Variants in DOP1A observed in about 807,000 individuals in gnomAD.
DOP1A encodes DOP1 leucine zipper like protein A, also known as protein DOP1A.
Under a neutral mutation model 267.6 loss-of-function variants are expected in DOP1A, and 90 were observed. That is an observed-to-expected ratio of 0.34 (90% CI 0.28 to 0.40). The LOEUF (loss-of-function observed/expected upper bound fraction) is 0.40. DOP1A is among the 10% of genes least tolerant of loss of function. The probability of loss-of-function intolerance (pLI) is 1.00; values close to 1 mark genes in which losing one functional copy is unlikely to be tolerated. For missense variants in DOP1A, 2,437 were observed against 2,900.4 expected (o/e 0.84, Z 3.67); for synonymous variants, 932 against 999.1 (o/e 0.93, Z 1.27).
chr6:83,156,119 C>A lies in DOP1A; in HGVS notation c.6604+16C>A. 1 of 1,593,618 alleles carries A rather than the reference C, an allele frequency of 6.3e-7. No homozygotes were observed. Among genetic ancestry groups the A allele is most frequent in the Non-Finnish European group, 8.5e-7 (1 of 1,172,536 alleles). On this transcript the variant is annotated intron_variant, in intron 34 of 38. Transcript: ENST00000349129. ...GATATACAAGGTAAAAAATGAAAAA[C>A]CCTTTATTTTTTCTCTAACTACAGG...
intron 38 of DOP1A, chr6:83,166,322 G>A (rs1240901876): frequency 2.6e-5 from 17 of 657,358 alleles, no homozygotes; most frequent in Admixed American, 9.1e-5. Context: ...ATCAATTTCC[G>A]ATGACTGGCC....
At chr6:83,096,900 G>T in intron 2 of DOP1A, 25 bp from the exon 3 acceptor site, 3 of 1,532,528 alleles carry the variant, frequency 2.0e-6, no homozygotes, top group Non-Finnish European at 2.6e-6. Context: ...TGTAACCTTG[G>T]TTCCTCCTGC....
chr6:83,080,199 A>G (rs1272670741), intron 1 of DOP1A, among the ~76,000 whole-genome samples: 2 of 152,210 alleles, frequency 1.3e-5, no homozygotes, highest in African/African-American at 2.4e-5. Flanking sequence ...TAATGTTAGG[A>G]AAAACAAAAC....
intron 1 of DOP1A, among the ~76,000 whole-genome samples, chr6:83,069,053 A>G (rs781436949): frequency 1.3e-4 from 20 of 152,254 alleles, no homozygotes; most frequent in Non-Finnish European, 2.6e-4. Context: ...ATGTTTGTAT[A>G]CATTCAAAGA....
chr6:83,145,790 A>G, intron 25 of DOP1A, 132 bp downstream of exon 25: 3 of 755,340 alleles, frequency 4.0e-6, no homozygotes, highest in Non-Finnish European at 6.2e-6. Flanking sequence ...TGGCCCTCAC[A>G]CTGCTTCAAT....
At chr6:83,162,454 T>C (rs989233163) in intron 37 of DOP1A, among the ~76,000 whole-genome samples, 2 of 152,162 alleles carry the variant, frequency 1.3e-5, no homozygotes, top group Non-Finnish European at 2.9e-5. Context: ...TGAAAACATC[T>C]TCCTTTTAAG....
chr6:83,152,711 G>A (rs1161297702), intron 30 of DOP1A, among the ~76,000 whole-genome samples: 4 of 149,074 alleles, frequency 2.7e-5, no homozygotes, highest in African/African-American at 7.4e-5. Context: ...TCTGCCTCCC[G>A]GGCTCAAGCT....
At chr6:83,113,483 G>T in intron 7 of DOP1A, 62 bp downstream of exon 7, 1 of 1,360,528 alleles carries the variant, frequency 7.4e-7, no homozygotes, top group Non-Finnish European at 1.0e-6. Flanking sequence ...TTGATAATGT[G>T]TAGTTATTTT....
At chr6:83,094,203 A>G (rs1259963527) in intron 1 of DOP1A, among the ~76,000 whole-genome samples, 2 of 152,108 alleles carry the variant, frequency 1.3e-5, no homozygotes, top group African/African-American at 2.4e-5. Flanking sequence ...TTTCACTTAC[A>G]ATGTTTTCAA....
At chr6:83,132,777 T>C (rs1305460004) in intron 18 of DOP1A, among the ~76,000 whole-genome samples, 1 of 152,184 alleles carries the variant, frequency 6.6e-6, no homozygotes, top group Non-Finnish European at 1.5e-5. Context: ...ATTATTATAC[T>C]GCATATCCAA....
chr6:83,140,132 G>T (rs1352672525), intron 22 of DOP1A, 21 bp downstream of exon 22: 1 of 1,606,686 alleles, frequency 6.2e-7, no homozygotes, highest in Non-Finnish European at 8.5e-7. Context: ...ACAAATATTT[G>T]ACTTCTTTTG....
chr6:83,123,761 G>A (rs148039939), intron 12 of DOP1A, among the ~76,000 whole-genome samples: 28 of 152,120 alleles, frequency 1.8e-4, no homozygotes, highest in East Asian at 3.9e-4. Flanking sequence ...ACATGCACGC[G>A]TATATTCCTA....
intron 7 of DOP1A, among the ~76,000 whole-genome samples, chr6:83,115,773 G>T (rs948755660): frequency 6.6e-6 from 1 of 152,018 alleles, no homozygotes; most frequent in African/African-American, 2.4e-5. Context: ...TATAGTTACC[G>T]TGTTGTACCG....
intron 1 of DOP1A, among the ~76,000 whole-genome samples, chr6:83,095,125 G>GTT (rs1771231749): frequency 6.6e-6 from 1 of 152,010 alleles, no homozygotes. Context: ...TAGAGACGAG[G>GTT]TTTCACCATG....
chr6:83,169,344 G>C (rs774571150), downstream of DOP1A: 2 of 1,612,820 alleles, frequency 1.2e-6, no homozygotes, highest in Non-Finnish European at 1.7e-6. Context: ...CATTAAAAGA[G>C]ATTAGATGAG....
Position 83,104,167 on chromosome 6 carries a change from T to C in DOP1A, c.320+3281T>C, listed in dbSNP as rs568834756. 3.9e-5 allele frequency among the ~76,000 whole-genome samples: 6 copies of C among 152,314 alleles called. No homozygotes were observed. The East Asian group carries it at 1.2e-3, about 29-fold the overall frequency. ...CTGTATTGACATTGTATTCAGACAC[T>C]TTGTCAAGTTCACTTGTTCTTTCTA... On this transcript the variant is annotated intron_variant, in intron 4 of 38. Transcript: ENST00000349129.
intron 1 of DOP1A, among the ~76,000 whole-genome samples, chr6:83,081,523 A>C (rs1322087458): frequency 6.6e-6 from 1 of 152,146 alleles, no homozygotes; most frequent in Non-Finnish European, 1.5e-5. Flanking sequence ...TTAGACCCTT[A>C]TCTCTCACCA....
At chr6:83,141,339 A>G (rs1779625190) in intron 23 of DOP1A, among the ~76,000 whole-genome samples, 1 of 151,954 alleles carries the variant, frequency 6.6e-6, no homozygotes, top group African/African-American at 2.4e-5. Context: ...TGATTTTTAA[A>G]TTTTTTTTCT....
At position 83,138,576 on chromosome 6, in the gene DOP1A, C is replaced by G. The variant is rs1243515575; in HGVS notation, c.4534C>G (p.Pro1512Ala). ...AATAGAAAGCTCAGCGAAGGGTTTCCCTAGTTTTATTTCTGATATGTTATC... is the reference window on the plus strand; with the variant it reads ...AATAGAAAGCTCAGCGAAGGGTTTCGCTAGTTTTATTTCTGATATGTTATC... ...KVIESSAKGFPSFISDMLSKC... is the reference protein window; with the variant it reads ...KVIESSAKGFASFISDMLSKC... Residue 1512 changes from proline (P) to alanine (A), a missense_variant, in exon 21 of 39, where the codon CCT becomes GCT. Physicochemically the swap from Pro to Ala is conservative, Grantham distance 27. This residue lies in a region of DOP1A where 878 missense variants were observed against 992.9 expected (regional missense o/e 0.88). Coordinates refer to ENST00000349129, the MANE Select transcript of DOP1A (RefSeq NM_015018.4). 1.9e-6 allele frequency: 3 copies of G among 1,613,690 alleles called. No individual in the cohort carries two copies. The highest frequency in any genetic ancestry group is 2.5e-6 in the Non-Finnish European group (3 of 1,179,936).
Sources: allele counts gnomAD v4.1 joint callset (sites outside exome capture counted in the v4.1 genomes callset), GRCh38; gene constraint gnomAD v4.1.1; regional missense constraint gnomAD v4.1.1; transcripts MANE v1.5; gene names NCBI Gene and HGNC (gene_info 2026-07-23, HGNC 2026-07-21).